NOS1AP: variants seen among roughly 807,000 people sequenced by gnomAD.
NOS1AP encodes nitric oxide synthase 1 adaptor protein.
Under a neutral mutation model 56.2 loss-of-function variants are expected in NOS1AP, and 21 were observed. The observed-to-expected ratio is 0.37, with a 90% CI of 0.26 to 0.54. NOS1AP has a LOEUF of 0.54. Among genes scored for constraint, NOS1AP ranks in the 20% least tolerant of loss-of-function variants. NOS1AP has a pLI of 0.84. For missense variants in NOS1AP, 522 were observed against 657.8 expected (o/e 0.79, Z 2.26); for synonymous variants, 270 against 274.6 (o/e 0.98, Z 0.17).
rs184097288 is a variant in NOS1AP at position 162,091,863 on chromosome 1, G to A, written c.105+21581G>A. On this transcript the variant is annotated intron_variant, in intron 1 of 9. Transcript: ENST00000361897. ...CTAATTGATCTGTCAACCACTACGT[G>A]GGCATTAAGTAATTGGGATGTGACT... Among the ~76,000 whole-genome samples the A allele has an allele frequency of 1.3e-3, 204 of 152,234 alleles. 1 individual carries two copies. Among genetic ancestry groups the A allele is most frequent in the Admixed American group, 8.2e-3 (125 of 15,280 alleles).
chr1:162,108,136 C>A (rs749300857), intron 1 of NOS1AP, among the ~76,000 whole-genome samples: 2 of 152,144 alleles, frequency 1.3e-5, no homozygotes, highest in Non-Finnish European at 2.9e-5. Context: ...TGCCAAATAC[C>A]ATTTCCTACA....
intron 2 of NOS1AP, among the ~76,000 whole-genome samples, chr1:162,248,953 A>T (rs535744564): frequency 6.6e-6 from 1 of 152,238 alleles, no homozygotes; most frequent in Non-Finnish European, 1.5e-5. Context: ...GGTGATGGAC[A>T]ATAGATGATA....
chr1:162,270,252 C>G (rs543655499), intron 2 of NOS1AP, among the ~76,000 whole-genome samples: 16 of 152,270 alleles, frequency 1.1e-4, no homozygotes, highest in Non-Finnish European at 1.9e-4. Context: ...GAGTTACATT[C>G]TCAACTCAGC....
In NOS1AP at chr1:162,266,078, C is replaced by A. The variant is rs142974919; in HGVS notation, c.178-21266C>A. On this transcript the variant is annotated intron_variant, in intron 2 of 9. Coordinates refer to ENST00000361897, the MANE Select transcript of NOS1AP (RefSeq NM_014697.3). ...GTTTAGGAGCTGCCACAGGTCATTT[C>A]TATTTTTGTCCCATTGGCTAGAATT... Among the ~76,000 whole-genome samples, 359 of 152,272 alleles carry A rather than the reference C, an allele frequency of 2.4e-3. 3 individuals carry two copies. Among genetic ancestry groups the A allele is most frequent in the African/African-American group, 8.0e-3 (333 of 41,570 alleles).
intron 1 of NOS1AP, among the ~76,000 whole-genome samples, chr1:162,073,452 C>CATTTATTT (rs562116175): frequency 6.6e-6 from 1 of 152,010 alleles, no homozygotes; most frequent in African/African-American, 2.4e-5. Context: ...ATTATTCAAA[C>CATTTATTT]ATTTATTTAT....
chr1:162,266,705 T>C (rs1410772914), intron 2 of NOS1AP, among the ~76,000 whole-genome samples: 1 of 152,258 alleles, frequency 6.6e-6, no homozygotes, highest in Non-Finnish European at 1.5e-5. Context: ...CTAGAATAGT[T>C]CTGAATTGCC....
intron 2 of NOS1AP, among the ~76,000 whole-genome samples, chr1:162,186,503 G>A (rs1399214354): frequency 6.6e-6 from 1 of 152,106 alleles, no homozygotes; most frequent in East Asian, 1.9e-4. Flanking sequence ...TTCTTCGGGT[G>A]GACTGAGTGT....
chr1:162,233,509 AT>A (rs5778257), intron 2 of NOS1AP, among the ~76,000 whole-genome samples: 40,926 of 151,652 alleles, frequency 0.27, 5,701 homozygotes, highest in East Asian at 0.39. Flanking sequence ...ATATTCAGTG[AT>A]TTTTTTTTGG....
At chr1:162,139,897 G>A (rs756380016) in intron 1 of NOS1AP, among the ~76,000 whole-genome samples, 1 of 151,670 alleles carries the variant, frequency 6.6e-6, no homozygotes, top group Non-Finnish European at 1.5e-5. Context: ...GTGTGATCTC[G>A]ACTCACTGCA....
chr1:162,250,175 A>G (rs1653802577), intron 2 of NOS1AP, among the ~76,000 whole-genome samples: 1 of 152,138 alleles, frequency 6.6e-6, no homozygotes, highest in African/African-American at 2.4e-5. Context: ...AGCTTCTAGG[A>G]CCAAACCAAA....
chr1:162,312,196 C>T (rs1656057858), intron 4 of NOS1AP, among the ~76,000 whole-genome samples: 2 of 146,282 alleles, frequency 1.4e-5, no homozygotes, highest in Admixed American at 6.8e-5. Flanking sequence ...TACAGTCCCA[C>T]CAACAGTGTA....
chr1:162,146,119 C>T (rs1396387369), intron 1 of NOS1AP, among the ~76,000 whole-genome samples: 4 of 152,306 alleles, frequency 2.6e-5, no homozygotes, highest in Non-Finnish European at 2.9e-5. Context: ...GGGACCTTTA[C>T]GTTATGCCTA....
chr1:162,175,971 A>T (rs1406095783), intron 2 of NOS1AP, among the ~76,000 whole-genome samples: 1 of 152,212 alleles, frequency 6.6e-6, no homozygotes, highest in Non-Finnish European at 1.5e-5. Flanking sequence ...ACAATTTTTC[A>T]GCTCTAGTAC....
intron 8 of NOS1AP, chr1:162,360,613 T>C (rs959761579): frequency 5.7e-6 from 2 of 352,182 alleles, no homozygotes; most frequent in Non-Finnish European, 1.1e-5. Context: ...AACAAGGAAT[T>C]GGTTATTTAT....
chr1:162,171,051 T>C (rs933615438), intron 2 of NOS1AP, among the ~76,000 whole-genome samples: 1 of 151,600 alleles, frequency 6.6e-6, no homozygotes, highest in Non-Finnish European at 1.5e-5. Context: ...TGGGGTGGGG[T>C]CCAGGGCCTC....
intron 4 of NOS1AP, among the ~76,000 whole-genome samples, chr1:162,332,157 T>C (rs1045999781): frequency 2.6e-5 from 4 of 152,152 alleles, no homozygotes; most frequent in African/African-American, 9.7e-5. Context: ...TAATACCTTC[T>C]GAACACTGCA....
rs115305103 is a variant in NOS1AP, at chr1:162,169,076, T to C, written c.177+14600T>C. ...ACCCTTGGCGGGGATTTCTGAAAGA[T>C]TGATGGGATTCTAACTGCCTAACAG... On this transcript the variant is annotated intron_variant, in intron 2 of 9. Coordinates refer to ENST00000361897, the MANE Select transcript of NOS1AP (RefSeq NM_014697.3). Among the ~76,000 whole-genome samples, 398 of 152,340 alleles carry C rather than the reference T, an allele frequency of 2.6e-3. 2 individuals carry two copies. The highest frequency in any genetic ancestry group is 9.0e-3 in the African/African-American group (374 of 41,568).
At chr1:162,163,089 G>A (rs369560536) in intron 2 of NOS1AP, among the ~76,000 whole-genome samples, 53 of 152,186 alleles carry the variant, frequency 3.5e-4, no homozygotes, top group Middle Eastern at 3.4e-3. Flanking sequence ...CTTTCATTTA[G>A]CGTAATGTTT....
chr1:162,357,704 G>T (rs1657747187), intron 8 of NOS1AP, among the ~76,000 whole-genome samples: 1 of 151,958 alleles, frequency 6.6e-6, no homozygotes, highest in Admixed American at 6.6e-5. Flanking sequence ...GAATTTAGGT[G>T]TATTATTTGA....
Sources: gnomAD v4.1 joint callset for allele counts (sites outside exome capture counted in the v4.1 genomes callset) on GRCh38, gnomAD v4.1.1 for gene constraint, MANE v1.5 for transcripts, NCBI Gene and HGNC (gene_info 2026-07-23, HGNC 2026-07-21) for gene names.